CYTH3: variants seen among roughly 807,000 people sequenced by gnomAD.
The protein encoded by CYTH3 is cytohesin 3.
Under a neutral mutation model 55.1 loss-of-function variants are expected in CYTH3, and 23 were observed. The observed-to-expected ratio is 0.42, with a 90% CI of 0.30 to 0.59. The LOEUF (loss-of-function observed/expected upper bound fraction) is 0.59, where lower values mean the gene tolerates loss of function less well. CYTH3 is among the 20% of genes least tolerant of loss of function. The pLI is 0.20. For synonymous variants in CYTH3, 249 were observed against 194.9 expected, an observed-to-expected ratio of 1.28 and a Z score of -2.31; for missense variants, 413 against 524.8, an observed-to-expected ratio of 0.79 and a Z score of 2.08.
rs554748751 is a variant in CYTH3 at position 6,190,151 on chromosome 7, G to A, written c.117+298C>T. ...GGCTTGCTGCTGCTTTAGATGATAC[G>A]CTGCCTGTGGCCCTGGGTTTGCGAG... is the stretch of plus-strand genomic sequence containing the variant. On this transcript the variant is annotated intron_variant, in intron 2 of 12. Coordinates refer to ENST00000350796, the MANE Select transcript of CYTH3 (RefSeq NM_004227.4). Among the ~76,000 whole-genome samples the A allele has an allele frequency of 5.9e-5, 9 of 152,236 alleles. 1 individual carries two copies. The South Asian group carries it at 6.2e-4, about 11-fold the overall frequency.
At position 6,205,128 on chromosome 7, in the gene CYTH3, G is replaced by A. The variant is rs540705658; in HGVS notation, c.35-14597C>T. 1.4e-3 allele frequency among the ~76,000 whole-genome samples: 213 copies of A among 152,224 alleles called. 1 individual carries two copies. Among genetic ancestry groups the A allele is most frequent in the Middle Eastern group, 3.4e-3 (1 of 294 alleles). On this transcript the variant is annotated intron_variant, in intron 1 of 12. Coordinates refer to ENST00000350796, the MANE Select transcript of CYTH3 (RefSeq NM_004227.4). ...TGCAGTGAGCCATGATCATGCCACTGCACTCCAGCCTGGGTGACAAAGCAA... is the reference window on the plus strand; with the variant it reads ...TGCAGTGAGCCATGATCATGCCACTACACTCCAGCCTGGGTGACAAAGCAA...
At position 6,189,750 on chromosome 7, in the gene CYTH3, T is replaced by C. The variant is rs542776835; in HGVS notation, c.117+699A>G. Among the ~76,000 whole-genome samples, 8 of 151,804 alleles carry C rather than the reference T, an allele frequency of 5.3e-5. No homozygotes were observed. In the South Asian group the frequency reaches 8.4e-4, roughly 16 times the overall value. On this transcript the variant is annotated intron_variant, in intron 2 of 12. Coordinates refer to ENST00000350796, the MANE Select transcript of CYTH3 (RefSeq NM_004227.4). ...TTCTAGGTGCTAGAACATTAACATATTGGTGGCTGGGCGCAGTGGCTCACG... is the reference window on the plus strand; with the variant it reads ...TTCTAGGTGCTAGAACATTAACATACTGGTGGCTGGGCGCAGTGGCTCACG...
intron 1 of CYTH3, among the ~76,000 whole-genome samples, chr7:6,198,788 AG>A (rs1018713545): frequency 1.4e-5 from 2 of 146,982 alleles, no homozygotes; most frequent in South Asian, 2.2e-4. Flanking sequence ...AAAAAAAAAA[AG>A]GGCAGGTTAA....
At chr7:6,225,061 G>C (rs950473236) in intron 1 of CYTH3, among the ~76,000 whole-genome samples, 1 of 152,192 alleles carries the variant, frequency 6.6e-6, no homozygotes, top group Non-Finnish European at 1.5e-5. Flanking sequence ...ACTGCAAACA[G>C]GAGTGAGGGA....
At chr7:6,260,744 TC>T (rs1289143382) in intron 1 of CYTH3, among the ~76,000 whole-genome samples, 6 of 152,144 alleles carry the variant, frequency 3.9e-5, no homozygotes, top group Non-Finnish European at 1.5e-5. Flanking sequence ...ACCCTCCCAG[TC>T]CCCTTTGCTG....
chr7:6,195,764 G>T (rs529520315), intron 1 of CYTH3, among the ~76,000 whole-genome samples: 3 of 152,052 alleles, frequency 2.0e-5, no homozygotes, highest in Non-Finnish European at 4.4e-5. Flanking sequence ...TATTATCCTC[G>T]TTTTATAAAT....
chr7:6,248,234 AC>A lies in CYTH3; in HGVS notation c.34+24239del, dbSNP rs545252615. Among the ~76,000 whole-genome samples the A allele has an allele frequency of 1.2e-3, 87 of 72,306 alleles. No individual in the cohort carries two copies. The Middle Eastern group carries it at 0.029, about 24-fold the overall frequency. The allele number at this position is 72,306 out of a possible 152,430, so 47.4% of individuals were successfully genotyped here. ...TAGTATTTAGACCCATCCTCCCCCA[AC>A]CCCCCCCCAGCCAAAAAAAAAAAAA... On this transcript the variant is annotated intron_variant, in intron 1 of 12. Transcript: ENST00000350796.
chr7:6,182,788 G>T (rs1783541702), intron 4 of CYTH3, among the ~76,000 whole-genome samples: 1 of 152,114 alleles, frequency 6.6e-6, no homozygotes, highest in Non-Finnish European at 1.5e-5. Flanking sequence ...AGGATTATAG[G>T]CATGAGCCGC....
chr7:6,251,651 T>G (rs905504452), intron 1 of CYTH3, among the ~76,000 whole-genome samples: 2 of 152,196 alleles, frequency 1.3e-5, no homozygotes, highest in Non-Finnish European at 2.9e-5. Context: ...TAAACAGCCT[T>G]AAGACACTGA....
In CYTH3 at chr7:6,228,058, T is replaced by C. The variant is rs548719554; in HGVS notation, c.35-37527A>G. 3.2e-4 allele frequency among the ~76,000 whole-genome samples: 48 copies of C among 152,368 alleles called. 1 individual carries two copies. In the South Asian group the frequency reaches 9.7e-3, roughly 31 times the overall value. On this transcript the variant is annotated intron_variant, in intron 1 of 12. Transcript: ENST00000350796. ...GTATTTAATAATGAATGTGGAAATGTGAAGCTTTCCCTTATTTTATGTTCT... is the reference window on the plus strand; with the variant it reads ...GTATTTAATAATGAATGTGGAAATGCGAAGCTTTCCCTTATTTTATGTTCT...
chr7:6,223,392 A>C (rs1447332417), intron 1 of CYTH3, among the ~76,000 whole-genome samples: 2 of 152,222 alleles, frequency 1.3e-5, no homozygotes, highest in Non-Finnish European at 2.9e-5. Flanking sequence ...TCGAAAAGAA[A>C]AGGGGGAAAT....
chr7:6,187,828 G>T, intron 2 of CYTH3, 107 bp from the exon 3 acceptor site: 1 of 878,484 alleles, frequency 1.1e-6, no homozygotes, highest in Non-Finnish European at 1.9e-6. Flanking sequence ...GGTCTCACCG[G>T]AGCATCACAG....
In CYTH3 at chr7:6,167,525, T is replaced by A. The variant is rs1163717553; in HGVS notation, c.824-1715A>T. On this transcript the variant is annotated intron_variant, in intron 9 of 12. Transcript: ENST00000350796. The surrounding 1 kb of genome is among the most constrained non-coding windows in gnomAD (Gnocchi z 5.5). ...CCGCTCCAGCTGCACTGGTGCCAGC[T>A]GCCATCCCCCAAACAGCGGCCAAAG... Among the ~76,000 whole-genome samples, 1 of 152,248 alleles carries A rather than the reference T, an allele frequency of 6.6e-6. No individual in the cohort carries two copies. Among genetic ancestry groups the A allele is most frequent in the African/African-American group, 2.4e-5 (1 of 41,468 alleles).
intron 1 of CYTH3, among the ~76,000 whole-genome samples, chr7:6,218,615 T>C (rs1784478016): frequency 6.6e-6 from 1 of 152,206 alleles, no homozygotes; most frequent in African/African-American, 2.4e-5. Context: ...TGGAACCAGC[T>C]TTCAAATTGT....
At chr7:6,187,188 G>T in intron 3 of CYTH3, 72 bp from the exon 4 acceptor site, 1 of 1,499,426 alleles carries the variant, frequency 6.7e-7, no homozygotes, top group Non-Finnish European at 9.3e-7. Context: ...GCCCTCCAGT[G>T]TACTTTCCCC....
chr7:6,170,514 C>G lies in CYTH3; in HGVS notation c.823+21G>C, dbSNP rs761117063. On this transcript the variant is annotated intron_variant, in intron 9 of 12. Coordinates refer to ENST00000350796, the MANE Select transcript of CYTH3 (RefSeq NM_004227.4). The surrounding 1 kb of genome is among the most constrained non-coding windows in gnomAD (Gnocchi z 7.8). ...ATGGGCAGAGGGGTCACGCCCGGGT[C>G]CCGCTGGGCCGGCGGCTCACCCAGC... 1.9e-6 allele frequency: 3 copies of G among 1,610,198 alleles called. No individual in the cohort carries two copies. The East Asian group carries it at 6.7e-5, about 36-fold the overall frequency.
chr7:6,265,674 G>A (rs1003356766), intron 1 of CYTH3, among the ~76,000 whole-genome samples: 3 of 151,924 alleles, frequency 2.0e-5, no homozygotes, highest in Admixed American at 6.6e-5. Flanking sequence ...TACAGCGTGT[G>A]GGCCATGGCC....
chr7:6,235,514 T>C (rs1042832765), intron 1 of CYTH3, among the ~76,000 whole-genome samples: 4 of 150,592 alleles, frequency 2.7e-5, no homozygotes, highest in Non-Finnish European at 5.9e-5. Context: ...TGCTAGATCA[T>C]GCACCACATC....
At chr7:6,184,289 T>G (rs1380778724) in intron 4 of CYTH3, among the ~76,000 whole-genome samples, 1 of 151,856 alleles carries the variant, frequency 6.6e-6, no homozygotes. Context: ...CTCAATCTCC[T>G]GACCTCATGA....
Sources: allele counts gnomAD v4.1 joint callset (sites outside exome capture counted in the v4.1 genomes callset), GRCh38; gene constraint gnomAD v4.1.1; non-coding constraint Gnocchi (gnomAD v3.1); transcripts MANE v1.5; gene names NCBI Gene and HGNC (gene_info 2026-07-23, HGNC 2026-07-21).